Variants in MLLT3 observed in about 807,000 individuals in gnomAD.
MLLT3 encodes the protein protein AF-9.
A neutral mutation model predicts 53.2 loss-of-function variants in MLLT3; 4 were observed. That is an observed-to-expected ratio of 0.08 (90% CI 0.04 to 0.17). The LOEUF is 0.17. Among genes scored for constraint, MLLT3 ranks in the 10% least tolerant of loss-of-function variants. The pLI, the probability that MLLT3 is intolerant of heterozygous loss-of-function variation, is 1.00. For synonymous variants in MLLT3, 283 were observed against 230.6 expected (o/e 1.23, Z -2.06); for missense variants, 569 against 684.0 (o/e 0.83, Z 1.87).
At chr9:20,520,377 C>T (rs1483180334) in intron 2 of MLLT3, among the ~76,000 whole-genome samples, 1 of 151,942 alleles carries the variant, frequency 6.6e-6, no homozygotes, top group Non-Finnish European at 1.5e-5. Flanking sequence ...AAGAATATCA[C>T]TGAGTCTCAA....
At chr9:20,484,462 C>T (rs1824755113) in intron 2 of MLLT3, among the ~76,000 whole-genome samples, 2 of 152,178 alleles carry the variant, frequency 1.3e-5, no homozygotes, top group Non-Finnish European at 2.9e-5. Context: ...CCACACTCAA[C>T]TGTGTGCAGT....
At chr9:20,403,762 T>C (rs1822513569) in intron 5 of MLLT3, among the ~76,000 whole-genome samples, 1 of 152,188 alleles carries the variant, frequency 6.6e-6, no homozygotes, top group African/African-American at 2.4e-5. Flanking sequence ...ATACTTTATA[T>C]TACTAAAAAT....
chr9:20,598,311 C>A (rs376414624), intron 2 of MLLT3, among the ~76,000 whole-genome samples: 5 of 152,196 alleles, frequency 3.3e-5, no homozygotes, highest in African/African-American at 1.2e-4. Context: ...TCCGTTCCTA[C>A]CAAACTATAA....
rs569986416 is a variant in MLLT3 at position 20,341,886 on chromosome 9, A to T, written c.*4557T>A. ...ACACATAGCCCAGTTTATGCCAAAA[A>T]ATGTATCCCACCACTTCTTGTTCCA... On this transcript the variant is annotated 3_prime_UTR_variant, in exon 11 of 11. Transcript: ENST00000380338. 4.9e-6 allele frequency: 1 copy of T among 204,460 alleles called. No individual in the cohort carries two copies. Among genetic ancestry groups the T allele is most frequent in the South Asian group, 1.9e-4 (1 of 5,252 alleles). The allele number at this position is 204,460 out of a possible 1,614,324, so 12.7% of individuals were successfully genotyped here.
intron 2 of MLLT3, among the ~76,000 whole-genome samples, chr9:20,467,262 GCAC>G (rs1385428684): frequency 6.6e-6 from 1 of 152,034 alleles, no homozygotes; most frequent in Non-Finnish European, 1.5e-5. Context: ...ACTACAGGCT[GCAC>G]CACCATGCCC....
chr9:20,500,601 C>T (rs1006331622), intron 2 of MLLT3, among the ~76,000 whole-genome samples: 3 of 152,282 alleles, frequency 2.0e-5, no homozygotes, highest in Non-Finnish European at 4.4e-5. Context: ...CTCCCTGGGG[C>T]ATCAAGAACT....
intron 5 of MLLT3, among the ~76,000 whole-genome samples, chr9:20,366,524 T>C (rs577841083): frequency 3.9e-5 from 6 of 152,370 alleles, no homozygotes; most frequent in East Asian, 1.9e-4. Flanking sequence ...TGTGTCTTTA[T>C]AGTAGAATGA....
At chr9:20,424,347 T>A (rs538988254) in intron 4 of MLLT3, among the ~76,000 whole-genome samples, 1 of 152,318 alleles carries the variant, frequency 6.6e-6, no homozygotes, top group South Asian at 2.1e-4. Flanking sequence ...AATCACCCTC[T>A]CCTATAATGC....
chr9:20,541,424 G>T (rs758033708), intron 2 of MLLT3, among the ~76,000 whole-genome samples: 3 of 152,276 alleles, frequency 2.0e-5, no homozygotes, highest in South Asian at 2.1e-4. Context: ...ATAAAGAAAA[G>T]AAATTTAACT....
chr9:20,547,080 G>C (rs1818807289), intron 2 of MLLT3, among the ~76,000 whole-genome samples: 1 of 152,130 alleles, frequency 6.6e-6, no homozygotes. Flanking sequence ...GGAGTCAATA[G>C]GAGTTTGGCA....
chr9:20,476,738 T>C (rs1824531058), intron 2 of MLLT3, among the ~76,000 whole-genome samples: 2 of 152,142 alleles, frequency 1.3e-5, no homozygotes, highest in African/African-American at 4.8e-5. Flanking sequence ...TTGAATCCCT[T>C]GAAGTCCATC....
rs76823968 is a variant in MLLT3, at chr9:20,467,018, T to C, written c.194-10232A>G. Reference sequence around the variant, plus strand: ...AGGTTATAATACAAGCTAGAGTATATATGAAACATTCCACAGTAGAGCAAC... The same window carrying C: ...AGGTTATAATACAAGCTAGAGTATACATGAAACATTCCACAGTAGAGCAAC... On this transcript the variant is annotated intron_variant, in intron 2 of 10. Transcript: ENST00000380338. Among the ~76,000 whole-genome samples, 664 of 152,302 alleles carry C rather than the reference T, an allele frequency of 4.4e-3. 8 individuals carry two copies. Among genetic ancestry groups the C allele is most frequent in the African/African-American group, 0.016 (646 of 41,570 alleles).
chr9:20,554,241 A>G (rs1818999803), intron 2 of MLLT3, among the ~76,000 whole-genome samples: 1 of 152,132 alleles, frequency 6.6e-6, no homozygotes, highest in Non-Finnish European at 1.5e-5. Flanking sequence ...CCTGTACAGT[A>G]CTGCTTTCAT....
intron 2 of MLLT3, among the ~76,000 whole-genome samples, chr9:20,463,393 C>G (rs943193432): frequency 1.3e-5 from 2 of 152,048 alleles, no homozygotes; most frequent in Admixed American, 6.6e-5. Context: ...CAATACATTT[C>G]ATCTTGAGGG....
At chr9:20,466,984 G>A (rs1203082754) in intron 2 of MLLT3, among the ~76,000 whole-genome samples, 1 of 152,008 alleles carries the variant, frequency 6.6e-6, no homozygotes, top group Non-Finnish European at 1.5e-5. Context: ...AGAAAAGCTT[G>A]GTATAAGTAG....
intron 5 of MLLT3, among the ~76,000 whole-genome samples, chr9:20,368,396 C>T (rs905173595): frequency 1.3e-5 from 2 of 152,126 alleles, no homozygotes; most frequent in African/African-American, 2.4e-5. Flanking sequence ...ATCTGGGAGC[C>T]GAAAAGGAGG....
chr9:20,601,882 T>G (rs1199605741), intron 2 of MLLT3, among the ~76,000 whole-genome samples: 4 of 152,148 alleles, frequency 2.6e-5, no homozygotes, highest in African/African-American at 9.7e-5. Context: ...ATAGGTCTGA[T>G]TTCTGGCCAG....
chr9:20,442,966 T>C (rs967066118), intron 4 of MLLT3, among the ~76,000 whole-genome samples: 1 of 152,146 alleles, frequency 6.6e-6, no homozygotes, highest in Non-Finnish European at 1.5e-5. Flanking sequence ...GATTTCTGCC[T>C]ATAGAAACCC....
At chr9:20,360,240 C>T (rs188947214) in intron 8 of MLLT3, among the ~76,000 whole-genome samples, 10 of 152,330 alleles carry the variant, frequency 6.6e-5, no homozygotes, top group African/African-American at 2.2e-4. Flanking sequence ...AGGGGCTGTG[C>T]ACTGCCTTTT....
Sources: gnomAD v4.1 joint callset for allele counts (sites outside exome capture counted in the v4.1 genomes callset) on GRCh38, gnomAD v4.1.1 for gene constraint, MANE v1.5 for transcripts, NCBI Gene and HGNC (gene_info 2026-07-23, HGNC 2026-07-21) for gene names.